Variants in DEPDC5 observed in about 807,000 individuals in gnomAD.
DEPDC5 encodes the protein GATOR1 complex protein DEPDC5.
Under a neutral mutation model 217.3 loss-of-function variants are expected in DEPDC5, and 73 were observed. The ratio of observed to expected loss-of-function variants is 0.34; its 90% CI spans 0.28 to 0.41. The LOEUF is 0.41. DEPDC5 is among the 10% of genes least tolerant of loss of function. The pLI is 1.00. For synonymous variants in DEPDC5, 733 were observed against 756.7 expected (o/e 0.97, Z 0.51); for missense variants, 1,675 against 2,070.1 (o/e 0.81, Z 3.70).
chr22:31,797,758 C>A (rs547156233), intron 13 of DEPDC5, 55 bp downstream of exon 13: 2 of 1,339,082 alleles, frequency 1.5e-6, no homozygotes, highest in African/African-American at 1.4e-5. Flanking sequence ...TAGGAGGGGT[C>A]TGGGAGACAG....
In DEPDC5 at chr22:31,870,594, C is replaced by T. The variant is rs1470083690; in HGVS notation, c.3335C>T (p.Ser1112Phe). ...TCATTTTTAAATCTCCTGCAGGTAT[C>T]TGTGGACCAAACAGCCACTCCTATG... is the stretch of plus-strand genomic sequence containing the variant. ...TASSAFYPQV[S>F]VDQTATPMLD... The change falls in exon 34 of 43, where the codon TCT (serine) becomes TTT (phenylalanine). Residue 1112 changes from serine (S) to phenylalanine (F), a missense_variant. This residue lies in a region of DEPDC5 where 126 missense variants were observed against 113.8 expected (regional missense o/e 1.11). Transcript: ENST00000651528. 2.0e-6 allele frequency: 3 copies of T among 1,529,418 alleles called. No homozygotes were observed. The highest frequency in any genetic ancestry group is 2.6e-6 in the Non-Finnish European group (3 of 1,141,174). The allele number at this position is 1,529,418 out of a possible 1,614,324, so 94.7% of individuals were successfully genotyped here.
intron 31 of DEPDC5, among the ~76,000 whole-genome samples, chr22:31,855,495 G>A (rs1448934744): frequency 2.0e-5 from 3 of 151,108 alleles, no homozygotes; most frequent in Non-Finnish European, 4.4e-5. Context: ...TCCTGCCTCA[G>A]CCTCCCAAGT....
At position 31,783,913 on chromosome 22, in the gene DEPDC5, T is replaced by G. The variant is rs1359773870; in HGVS notation, c.490T>G (p.Phe164Val). ...GYISEDTRVV[F>V]RSTSAMVYIF... Reference sequence around the variant, plus strand: ...AATTGTGTTTTTATTTCAGGTGGTGTTTCGTTCTACGTCGGCTATGGTTTA... The same window carrying G: ...AATTGTGTTTTTATTTCAGGTGGTGGTTCGTTCTACGTCGGCTATGGTTTA... Residue 164 changes from phenylalanine (F) to valine (V), a missense_variant, in exon 9 of 43, where the codon TTT becomes GTT. By Grantham distance (50) the Phe-to-Val change is conservative (BLOSUM62 -1). Around this residue, in one of 11 missense-constraint regions of DEPDC5, gnomAD observed 628 missense variants for 762.1 expected, o/e 0.82. Transcript: ENST00000651528. 3 of 1,612,202 alleles carry G rather than the reference T, an allele frequency of 1.9e-6. No individual in the cohort carries two copies. Among genetic ancestry groups the G allele is most frequent in the African/African-American group, 2.7e-5 (2 of 74,842 alleles).
At chr22:31,774,707 G>C (rs1199681098) in intron 7 of DEPDC5, among the ~76,000 whole-genome samples, 2 of 152,078 alleles carry the variant, frequency 1.3e-5, no homozygotes, top group African/African-American at 4.8e-5. Context: ...GCTGGGTGTG[G>C]CTGCTTGTGC....
chr22:31,784,896 T>C (rs763771003), intron 10 of DEPDC5, 21 bp downstream of exon 10: 1 of 1,600,462 alleles, frequency 6.2e-7, no homozygotes, highest in Non-Finnish European at 8.5e-7. Context: ...TCTTACACAC[T>C]AAGTCTCATT....
At chr22:31,764,901 T>A in intron 4 of DEPDC5, 74 bp from the exon 5 acceptor site, 1 of 1,073,384 alleles carries the variant, frequency 9.3e-7, no homozygotes, top group Non-Finnish European at 1.4e-6. Flanking sequence ...CTGAGTTGAG[T>A]GTTTATAGAT....
chr22:31,831,079 G>C (rs2090562134), intron 24 of DEPDC5: 2 of 150,132 alleles, frequency 1.3e-5, no homozygotes, highest in Admixed American at 1.3e-4. Flanking sequence ...TTAGCTCCAA[G>C]TGGCTTTTGG....
intron 34 of DEPDC5, among the ~76,000 whole-genome samples, chr22:31,872,395 T>G (rs181804480): frequency 9.6e-4 from 146 of 152,342 alleles, no homozygotes; most frequent in African/African-American, 3.4e-3. Context: ...CCTGTACATG[T>G]GCTCAGCATC....
chr22:31,765,349 G>C (rs1187112292), intron 5 of DEPDC5, among the ~76,000 whole-genome samples: 1 of 152,062 alleles, frequency 6.6e-6, no homozygotes, highest in East Asian at 1.9e-4. Flanking sequence ...GAGTGCAGTG[G>C]CGTGATCTCG....
intron 33 of DEPDC5, among the ~76,000 whole-genome samples, chr22:31,868,823 A>G (rs182466929): frequency 1.3e-5 from 2 of 152,328 alleles, no homozygotes; most frequent in African/African-American, 4.8e-5. Context: ...AGGAGGTTCT[A>G]AGAGCCTTAC....
chr22:31,901,417 A>T lies in DEPDC5; in HGVS notation c.4376-325A>T, dbSNP rs570018304. Among the ~76,000 whole-genome samples, 14 of 152,240 alleles carry T rather than the reference A, an allele frequency of 9.2e-5. No individual in the cohort carries two copies. The East Asian group carries it at 2.7e-3, about 29-fold the overall frequency. ...TATCTTCTGTTTGTACTTTAATATCATGCTCCTTTCAGCTTTGGGTATAAG... is the reference window on the plus strand; with the variant it reads ...TATCTTCTGTTTGTACTTTAATATCTTGCTCCTTTCAGCTTTGGGTATAAG... On this transcript the variant is annotated intron_variant, in intron 40 of 42. Coordinates refer to ENST00000651528, the MANE Select transcript of DEPDC5 (RefSeq NM_001242896.3).
intron 2 of DEPDC5, among the ~76,000 whole-genome samples, chr22:31,755,934 G>A (rs190191332): frequency 2.6e-5 from 4 of 151,218 alleles, no homozygotes; most frequent in East Asian, 3.9e-4. Flanking sequence ...GTGCAGTGGC[G>A]TGATCTCAGC....
At chr22:31,857,613 G>T in intron 32 of DEPDC5, 60 bp downstream of exon 32, 1 of 1,407,092 alleles carries the variant, frequency 7.1e-7, no homozygotes, top group Non-Finnish European at 9.8e-7. Flanking sequence ...AGTGTGGAGG[G>T]TAAAACAGAT....
Position 31,844,918 on chromosome 22 carries a change from A to C in DEPDC5, c.2802-100A>C. The C allele has an allele frequency of 9.3e-6, 11 of 1,186,686 alleles. No homozygotes were observed. In the South Asian group the frequency reaches 1.4e-4, roughly 15 times the overall value. 73.5% of individuals were successfully genotyped at this position (1,186,686 alleles called of 1,614,324 possible). ...ATCAAATGAGCACATACTCATGGGGAGATGGACCTTCACACACCAACTCCA... is the reference window on the plus strand; with the variant it reads ...ATCAAATGAGCACATACTCATGGGGCGATGGACCTTCACACACCAACTCCA... On this transcript the variant is annotated intron_variant, in intron 29 of 42. Coordinates refer to ENST00000651528, the MANE Select transcript of DEPDC5 (RefSeq NM_001242896.3).
At chr22:31,822,642 AAG>A (rs1383871904) in intron 23 of DEPDC5, 49 bp from the exon 24 acceptor site, 1 of 1,579,930 alleles carries the variant, frequency 6.3e-7, no homozygotes, top group South Asian at 1.1e-5. Flanking sequence ...GAGCAGGAAA[AAG>A]AGGTGATGAT....
At chr22:31,885,902 C>T (rs574160334) in intron 38 of DEPDC5, among the ~76,000 whole-genome samples, 6 of 151,866 alleles carry the variant, frequency 4.0e-5, no homozygotes, top group South Asian at 2.1e-4. Context: ...GGTGTGGTGG[C>T]GGGCACATGT....
At chr22:31,873,580 T>C (rs2092909742) in intron 35 of DEPDC5, among the ~76,000 whole-genome samples, 1 of 151,966 alleles carries the variant, frequency 6.6e-6, no homozygotes, top group African/African-American at 2.4e-5. Context: ...GTCGCCATCT[T>C]GGCTCACCCA....
intron 6 of DEPDC5, 104 bp downstream of exon 6, chr22:31,766,772 G>A: frequency 2.1e-6 from 2 of 959,912 alleles, no homozygotes; most frequent in Non-Finnish European, 1.6e-6. Context: ...TTTTATATCA[G>A]CATCTACAGA....
intron 15 of DEPDC5, among the ~76,000 whole-genome samples, chr22:31,803,745 A>G (rs2087155535): frequency 6.7e-6 from 1 of 148,984 alleles, no homozygotes; most frequent in African/African-American, 2.4e-5. Flanking sequence ...AAGACTGTCA[A>G]AAAAAAAAAG....
Sources: allele counts gnomAD v4.1 joint callset (sites outside exome capture counted in the v4.1 genomes callset), GRCh38; gene constraint gnomAD v4.1.1; regional missense constraint gnomAD v4.1.1; transcripts MANE v1.5; gene names NCBI Gene and HGNC (gene_info 2026-07-23, HGNC 2026-07-21).